SYT16: variants seen among roughly 807,000 people sequenced by gnomAD.
SYT16 encodes the protein synaptotagmin-16.
Under a neutral mutation model 61.4 loss-of-function variants are expected in SYT16, and 42 were observed. That is an observed-to-expected ratio of 0.68 (90% CI 0.53 to 0.89). The LOEUF (loss-of-function observed/expected upper bound fraction) is 0.89, where lower values mean the gene tolerates loss of function less well. Ranked by LOEUF, SYT16 falls within the 40% of genes least tolerant of loss-of-function variation. SYT16 has a pLI of 0.00. For synonymous variants in SYT16, 314 were observed against 302.3 expected (o/e 1.04, Z -0.40); for missense variants, 804 against 807.3 (o/e 1.00, Z 0.05).
chr14:61,871,856 T>C (rs1186212057), intron 1 of SYT16, among the ~76,000 whole-genome samples: 3 of 152,206 alleles, frequency 2.0e-5, no homozygotes, highest in Non-Finnish European at 4.4e-5. Context: ...CTCTATGAAG[T>C]TTTTAGGCAA....
chr14:62,111,160 A>G lies in SYT16; in HGVS notation c.*10453A>G, dbSNP rs2057601899. ...CATTCACACATTTATGTTTCACCAT[A>G]TGCATACTGTGTACAGCTCTGTTGT... On this transcript the variant is annotated 3_prime_UTR_variant, in exon 8 of 8. Transcript: ENST00000683842. 1 of 152,134 alleles carries G rather than the reference A, an allele frequency of 6.6e-6. No homozygotes were observed. 9.4% of individuals were successfully genotyped at this position (152,134 alleles called of 1,614,324 possible).
chr14:61,830,481 G>A (rs1006914393), intron 1 of SYT16, among the ~76,000 whole-genome samples: 12 of 152,174 alleles, frequency 7.9e-5, no homozygotes, highest in African/African-American at 2.7e-4. Context: ...ATCCATAGGT[G>A]AACTGAAACC....
At chr14:62,011,509 G>T (rs1004977431) in intron 3 of SYT16, among the ~76,000 whole-genome samples, 1 of 152,142 alleles carries the variant, frequency 6.6e-6, no homozygotes, top group African/African-American at 2.4e-5. Flanking sequence ...CTGAAGCCAG[G>T]GAAATGTGAT....
chr14:61,993,423 A>T (rs1038999266), intron 2 of SYT16, among the ~76,000 whole-genome samples: 5 of 152,142 alleles, frequency 3.3e-5, no homozygotes, highest in Middle Eastern at 3.4e-3. Flanking sequence ...GAACTGAAAT[A>T]AAAAAAATTA....
chr14:61,980,573 T>A (rs1251260098), intron 2 of SYT16, among the ~76,000 whole-genome samples: 2 of 152,122 alleles, frequency 1.3e-5, no homozygotes, highest in African/African-American at 4.8e-5. Context: ...AGATTACTGG[T>A]TTGAGAATAT....
chr14:62,029,412 G>A (rs1039544727), intron 3 of SYT16, among the ~76,000 whole-genome samples: 4 of 152,152 alleles, frequency 2.6e-5, no homozygotes, highest in Non-Finnish European at 4.4e-5. Context: ...AATAGGCGTC[G>A]GGCTTTTCCA....
In SYT16 at chr14:62,066,910, AAG is replaced by A. The variant is rs200665002; in HGVS notation, c.524-2687_524-2686del. On this transcript the variant is annotated intron_variant, in intron 3 of 7. Transcript: ENST00000683842. ...CCGTGGCATCCGAGGGAGCACTGAC[AAG>A]AGAGAACAGAAAATTGTTTCACAGC... Among the ~76,000 whole-genome samples, 189 of 152,298 alleles carry A rather than the reference AAG, an allele frequency of 1.2e-3. 4 individuals carry two copies. The East Asian group carries it at 0.028, about 23-fold the overall frequency.
chr14:61,896,088 T>C (rs996044607), intron 1 of SYT16, among the ~76,000 whole-genome samples: 1 of 152,082 alleles, frequency 6.6e-6, no homozygotes, highest in Non-Finnish European at 1.5e-5. Context: ...TTTTTTTTTT[T>C]TGGAACTTGG....
chr14:61,907,896 C>T (rs1029017479), intron 1 of SYT16, among the ~76,000 whole-genome samples: 2 of 152,310 alleles, frequency 1.3e-5, no homozygotes, highest in African/African-American at 4.8e-5. Context: ...GAGCTTACGT[C>T]GTGTTCCTAC....
intron 1 of SYT16, among the ~76,000 whole-genome samples, chr14:61,893,286 G>C (rs2048205440): frequency 6.6e-6 from 1 of 152,208 alleles, no homozygotes; most frequent in Admixed American, 6.5e-5. Flanking sequence ...CCAATATAAA[G>C]TTAACGCTGG....
rs1188019267 is a variant in SYT16, at chr14:62,110,783, A to G, written c.*10076A>G. 1 of 152,132 alleles carries G rather than the reference A, an allele frequency of 6.6e-6. No homozygotes were observed. Among genetic ancestry groups the G allele is most frequent in the African/African-American group, 2.4e-5 (1 of 41,462 alleles). The allele number at this position is 152,132 out of a possible 1,614,324, so 9.4% of individuals were successfully genotyped here. On this transcript the variant is annotated 3_prime_UTR_variant, in exon 8 of 8. Transcript: ENST00000683842. Reference sequence around the variant, plus strand: ...TTTAGAACAACCTAACTTTGAGTACAGGCAAAGTATTAAATGGAATAGCTT... The same window carrying G: ...TTTAGAACAACCTAACTTTGAGTACGGGCAAAGTATTAAATGGAATAGCTT...
intron 1 of SYT16, among the ~76,000 whole-genome samples, chr14:61,920,557 A>G (rs1448188065): frequency 1.3e-5 from 2 of 152,100 alleles, no homozygotes. Context: ...TCCCAAATTT[A>G]TATCTCTAGG....
intron 1 of SYT16, among the ~76,000 whole-genome samples, chr14:61,961,348 G>T (rs2051107717): frequency 6.6e-6 from 1 of 152,150 alleles, no homozygotes. Context: ...CAGAATAGGA[G>T]AAACTATTTG....
In SYT16 at chr14:62,068,951, G is replaced by A. The variant is rs185979077; in HGVS notation, c.524-652G>A. On this transcript the variant is annotated intron_variant, in intron 3 of 7. Transcript: ENST00000683842. ...GCCAGGATTACAGGCTCCTGACACC[G>A]TGCCTGGCTAATTTTTGTATTTTTT... Among the ~76,000 whole-genome samples, 6 of 151,944 alleles carry A rather than the reference G, an allele frequency of 3.9e-5. No homozygotes were observed. In the East Asian group the frequency reaches 5.8e-4, roughly 15 times the overall value.
rs547713295 is a variant in SYT16, at chr14:62,019,131, T to G, written c.523+22589T>G. Among the ~76,000 whole-genome samples the G allele has an allele frequency of 5.9e-4, 90 of 152,324 alleles. 1 individual carries two copies. In the South Asian group the frequency reaches 0.018, roughly 31 times the overall value. Reference sequence around the variant, plus strand: ...CATGTAAGGAAAAGTGAAGTTTTTCTTCACTTCACAATGCCTTAGAAAGAA... The same window carrying G: ...CATGTAAGGAAAAGTGAAGTTTTTCGTCACTTCACAATGCCTTAGAAAGAA... On this transcript the variant is annotated intron_variant, in intron 3 of 7. Transcript: ENST00000683842.
In SYT16 at chr14:62,048,308, G is replaced by C. The variant is rs2055094588; in HGVS notation, c.524-21295G>C. 2.6e-5 allele frequency among the ~76,000 whole-genome samples: 4 copies of C among 152,206 alleles called. No individual in the cohort carries two copies. The South Asian group carries it at 8.3e-4, about 32-fold the overall frequency. On this transcript the variant is annotated intron_variant, in intron 3 of 7. Coordinates refer to ENST00000683842, the MANE Select transcript of SYT16 (RefSeq NM_001367656.1). ...TCTGATGGTATTTTGTATTTCTGTG[G>C]GATCAGTGGTGATATCCCCTTTGTC...
At chr14:61,856,194 A>G (rs539464984) in intron 1 of SYT16, among the ~76,000 whole-genome samples, 30 of 152,338 alleles carry the variant, frequency 2.0e-4, no homozygotes, top group African/African-American at 7.2e-4. Context: ...ATCTGAAGCT[A>G]TGAAGAGTTT....
At chr14:61,871,644 C>T (rs1281828945) in intron 1 of SYT16, among the ~76,000 whole-genome samples, 1 of 152,106 alleles carries the variant, frequency 6.6e-6, no homozygotes, top group African/African-American at 2.4e-5. Context: ...TATATTTTGT[C>T]CAGTGTTGTG....
intron 1 of SYT16, among the ~76,000 whole-genome samples, chr14:61,959,271 A>G (rs1374404658): frequency 6.6e-6 from 1 of 152,156 alleles, no homozygotes; most frequent in East Asian, 1.9e-4. Context: ...TTATTGATAG[A>G]TAAGGGCTTA....
Sources: gnomAD v4.1 joint callset for allele counts (sites outside exome capture counted in the v4.1 genomes callset) on GRCh38, gnomAD v4.1.1 for gene constraint, MANE v1.5 for transcripts, NCBI Gene and HGNC (gene_info 2026-07-23, HGNC 2026-07-21) for gene names.